Variants in EXOC4 observed in about 807,000 individuals in gnomAD.
The protein encoded by EXOC4 is SEC8-like 1.
A neutral mutation model predicts 107.2 loss-of-function variants in EXOC4; 71 were observed. That is an observed-to-expected ratio of 0.66 (90% CI 0.55 to 0.81). The LOEUF (loss-of-function observed/expected upper bound fraction) is 0.81. EXOC4 is among the 30% of genes least tolerant of loss of function. EXOC4 has a pLI of 0.00. For missense variants in EXOC4, 1,108 were observed against 1,189.6 expected (o/e 0.93, Z 1.01); for synonymous variants, 456 against 441.2 (o/e 1.03, Z -0.42).
At chr7:133,457,444 A>G (rs1049919799) in intron 7 of EXOC4, among the ~76,000 whole-genome samples, 1 of 152,214 alleles carries the variant, frequency 6.6e-6, no homozygotes, top group Non-Finnish European at 1.5e-5. Flanking sequence ...TGATCTTGAA[A>G]GGGCACCAGC....
intron 10 of EXOC4, among the ~76,000 whole-genome samples, chr7:133,644,005 G>A (rs1332587550): frequency 6.6e-6 from 1 of 152,168 alleles, no homozygotes; most frequent in Non-Finnish European, 1.5e-5. Flanking sequence ...CAGTAATGCG[G>A]TAGGCTTCTT....
At chr7:133,347,198 A>G (rs1034094382) in intron 5 of EXOC4, among the ~76,000 whole-genome samples, 4 of 151,754 alleles carry the variant, frequency 2.6e-5, no homozygotes, top group Admixed American at 2.0e-4. Context: ...TATACATGTA[A>G]GTAGCTGTAG....
At chr7:133,556,249 T>TTAG (rs1412120990) in intron 9 of EXOC4, among the ~76,000 whole-genome samples, 1 of 152,226 alleles carries the variant, frequency 6.6e-6, no homozygotes, top group Non-Finnish European at 1.5e-5. Flanking sequence ...TCATTTGCTG[T>TTAG]TAGCTTGGCT....
intron 1 of EXOC4, among the ~76,000 whole-genome samples, chr7:133,266,895 ATT>A: frequency 6.6e-6 from 1 of 152,270 alleles, no homozygotes; most frequent in South Asian, 2.1e-4. Context: ...TGGAGTCCAT[ATT>A]TTTTGAGAAT....
chr7:133,369,513 T>G (rs1442823158), intron 6 of EXOC4, among the ~76,000 whole-genome samples: 1 of 152,138 alleles, frequency 6.6e-6, no homozygotes, highest in Non-Finnish European at 1.5e-5. Context: ...TTCTCTTTGG[T>G]CCTCTGCAAT....
chr7:133,876,217 A>G (rs549704395), intron 11 of EXOC4, among the ~76,000 whole-genome samples: 82 of 128,628 alleles, frequency 6.4e-4, no homozygotes, highest in African/African-American at 2.6e-3. Context: ...GAAAAGAATG[A>G]AGAGGTGTGT....
intron 2 of EXOC4, among the ~76,000 whole-genome samples, chr7:133,278,361 A>G (rs1794046769): frequency 6.6e-6 from 1 of 152,218 alleles, no homozygotes; most frequent in South Asian, 2.1e-4. Flanking sequence ...AAGTGAATAT[A>G]TAAGTAAAGT....
chr7:134,034,368 T>C lies in EXOC4; in HGVS notation c.2687+26533T>C, dbSNP rs1018320916. Among the ~76,000 whole-genome samples the C allele has an allele frequency of 1.2e-4, 18 of 152,206 alleles. 1 individual carries two copies. Among genetic ancestry groups the C allele is most frequent in the African/African-American group, 2.7e-4 (11 of 41,448 alleles). The stretch of plus-strand genomic sequence containing the variant: ...AAGTGAACTTCTAGAAGCACCCTCT[T>C]TGAGAGGCCTCAAGGCTGTGATATA... On this transcript the variant is annotated intron_variant, in intron 17 of 17. Coordinates refer to ENST00000253861, the MANE Select transcript of EXOC4 (RefSeq NM_021807.4).
intron 17 of EXOC4, among the ~76,000 whole-genome samples, chr7:134,023,344 G>A (rs747694643): frequency 2.3e-4 from 35 of 152,012 alleles, no homozygotes; most frequent in Non-Finnish European, 3.8e-4. Context: ...ATACTGCATC[G>A]TAGAGTATTT....
intron 9 of EXOC4, among the ~76,000 whole-genome samples, chr7:133,515,060 C>CT (rs1799847046): frequency 6.6e-6 from 1 of 152,082 alleles, no homozygotes; most frequent in East Asian, 1.9e-4. Flanking sequence ...TTTTAGAGCA[C>CT]TTTTTTGTAT....
chr7:133,717,063 T>A (rs2151102248), intron 10 of EXOC4, among the ~76,000 whole-genome samples: 1 of 152,366 alleles, frequency 6.6e-6, no homozygotes, highest in East Asian at 1.9e-4. Flanking sequence ...AGTTTTTCTT[T>A]CATAGTTACA....
chr7:133,959,649 T>C (rs1800895742), intron 14 of EXOC4, among the ~76,000 whole-genome samples: 1 of 151,708 alleles, frequency 6.6e-6, no homozygotes, highest in Non-Finnish European at 1.5e-5. Context: ...ACCAAGGCAG[T>C]CATCTCAAAA....
intron 9 of EXOC4, among the ~76,000 whole-genome samples, chr7:133,620,511 A>G (rs1273272672): frequency 6.6e-6 from 1 of 152,200 alleles, no homozygotes; most frequent in East Asian, 1.9e-4. Context: ...TTGTACCTGG[A>G]TGTTTCTAGC....
intron 10 of EXOC4, among the ~76,000 whole-genome samples, chr7:133,685,284 C>G (rs2151071865): frequency 6.6e-6 from 1 of 152,268 alleles, no homozygotes; most frequent in Admixed American, 6.5e-5. Flanking sequence ...TTCCCCCACT[C>G]TGTTCTTGTG....
intron 10 of EXOC4, among the ~76,000 whole-genome samples, chr7:133,630,526 G>A (rs989797532): frequency 9.2e-5 from 14 of 151,810 alleles, no homozygotes; most frequent in Non-Finnish European, 1.9e-4. Context: ...ATGCTTATTT[G>A]TTTATGTATT....
At chr7:133,925,194 A>G (rs1164645825) in intron 13 of EXOC4, among the ~76,000 whole-genome samples, 1 of 152,196 alleles carries the variant, frequency 6.6e-6, no homozygotes, top group Non-Finnish European at 1.5e-5. Context: ...TTTGCATTGA[A>G]TAAAGGTTAC....
At chr7:134,098,030 A>G in the EXOC4 span, among the ~76,000 whole-genome samples, 1 of 152,198 alleles carries the variant, frequency 6.6e-6, no homozygotes, top group Non-Finnish European at 1.5e-5. Flanking sequence ...CACACATCCC[A>G]AGCACTGTCA....
At chr7:133,261,029 GA>G (rs1795139718) in intron 1 of EXOC4, among the ~76,000 whole-genome samples, 1 of 151,988 alleles carries the variant, frequency 6.6e-6, no homozygotes, top group Non-Finnish European at 1.5e-5. Flanking sequence ...TTTTATCTTA[GA>G]TTATACTTTT....
chr7:133,407,123 TC>T (rs1365082853), intron 7 of EXOC4, among the ~76,000 whole-genome samples: 1 of 152,090 alleles, frequency 6.6e-6, no homozygotes, highest in African/African-American at 2.4e-5. Context: ...GAATCCACCC[TC>T]CCCTTTATAC....
Sources: gnomAD v4.1 joint callset for allele counts (sites outside exome capture counted in the v4.1 genomes callset) on GRCh38, gnomAD v4.1.1 for gene constraint, MANE v1.5 for transcripts, NCBI Gene and HGNC (gene_info 2026-07-23, HGNC 2026-07-21) for gene names.